PPEF1: variants seen among roughly 807,000 people sequenced by gnomAD.
PPEF1 encodes the protein serine/threonine-protein phosphatase with EF-hands 1.
Under a neutral mutation model 53.3 loss-of-function variants are expected in PPEF1, and 12 were observed. That is an observed-to-expected ratio of 0.23 (90% CI 0.14 to 0.36). The LOEUF (loss-of-function observed/expected upper bound fraction) is 0.36. Among genes scored for constraint, PPEF1 ranks in the 10% least tolerant of loss-of-function variants. The pLI, the probability that PPEF1 is intolerant of heterozygous loss-of-function variation, is 1.00. For missense variants in PPEF1, 334 were observed against 490.4 expected, an observed-to-expected ratio of 0.68 and a Z score of 3.01; for synonymous variants, 165 against 176.7, an observed-to-expected ratio of 0.93 and a Z score of 0.52.
At chrX:18,715,901 T>A (rs946964591) in intron 1 of PPEF1, among the ~76,000 whole-genome samples, 2 of 112,324 alleles carry the variant, frequency 1.8e-5, no homozygotes, top group African/African-American at 6.5e-5. Flanking sequence ...CACTTAAAAT[T>A]TTATGTTAAT....
chrX:18,717,670 T>C (rs2044487640), intron 1 of PPEF1, among the ~76,000 whole-genome samples: 1 of 111,630 alleles, frequency 9.0e-6, no homozygotes, highest in Admixed American at 9.6e-5. Context: ...TTCTTACTAC[T>C]CATTGCCCTT....
intron 11 of PPEF1, among the ~76,000 whole-genome samples, chrX:18,804,511 TAGCC>T (rs2147687039): frequency 9.0e-6 from 1 of 111,033 alleles, no homozygotes; most frequent in Non-Finnish European, 1.9e-5. Flanking sequence ...TTCACCATGT[TAGCC>T]AGACTGGTCT....
At chrX:18,784,856 C>T (rs1030504201) in intron 9 of PPEF1, among the ~76,000 whole-genome samples, 1 of 110,942 alleles carries the variant, frequency 9.0e-6, no homozygotes, top group South Asian at 3.8e-4. Flanking sequence ...GTTCCTTGGA[C>T]GGGTCTTGCA....
At chrX:18,806,759 T>G (rs1464899284) in intron 12 of PPEF1, among the ~76,000 whole-genome samples, 1 of 112,083 alleles carries the variant, frequency 8.9e-6, no homozygotes, top group Non-Finnish European at 1.9e-5. Flanking sequence ...TCTTTTTAGA[T>G]GGATAAAGCA....
At position 18,795,382 on chromosome X, in the gene PPEF1, A is replaced by G. The variant is rs143404483; in HGVS notation, c.1065+6109A>G. ...GGTCTGCCAAGCCCCTAACACTGCCATTCCTGTCACTATGTTGTCATTTTG... is the reference window on the plus strand; with the variant it reads ...GGTCTGCCAAGCCCCTAACACTGCCGTTCCTGTCACTATGTTGTCATTTTG... On this transcript the variant is annotated intron_variant, in intron 10 of 15. Transcript: ENST00000470157. 8.5e-3 allele frequency among the ~76,000 whole-genome samples: 955 copies of G among 112,253 alleles called. 9 individuals carry two copies. Among genetic ancestry groups the G allele is most frequent in the African/African-American group, 0.029 (910 of 30,903 alleles).
intron 2 of PPEF1, among the ~76,000 whole-genome samples, chrX:18,684,989 GACT>G (rs1321161691): frequency 8.9e-6 from 1 of 111,962 alleles, no homozygotes; most frequent in African/African-American, 3.2e-5. Flanking sequence ...AGAACAATTT[GACT>G]ACTACTGCCC....
At chrX:18,740,092 C>T (rs148960262) in intron 3 of PPEF1, among the ~76,000 whole-genome samples, 4 of 112,381 alleles carry the variant, frequency 3.6e-5, no homozygotes, top group East Asian at 5.7e-4. Context: ...CTGGGTGAGG[C>T]GATGCCCAGC....
At chrX:18,827,194 TTTAATCAG>T (rs1449711264) in intron 15 of PPEF1, 74 bp from the exon 16 acceptor site, 1 of 802,014 alleles carries the variant, frequency 1.2e-6, no homozygotes, top group African/African-American at 2.1e-5. Context: ...ACTGGGGCTA[TTTAATCAG>T]TGTGGGTTCC....
chrX:18,783,253 G>C (rs1275142095), intron 8 of PPEF1, among the ~76,000 whole-genome samples: 1 of 109,878 alleles, frequency 9.1e-6, no homozygotes, highest in Non-Finnish European at 1.9e-5. Context: ...AACTGGCCCC[G>C]GGATGAGGAG....
At chrX:18,810,246 C>T (rs1037497026) in intron 12 of PPEF1, among the ~76,000 whole-genome samples, 1 of 108,773 alleles carries the variant, frequency 9.2e-6, no homozygotes, top group Non-Finnish European at 1.9e-5. Flanking sequence ...AAACAACATA[C>T]CATATTTATT....
intron 12 of PPEF1, among the ~76,000 whole-genome samples, chrX:18,813,916 T>A (rs149115310): frequency 1.8e-5 from 2 of 111,040 alleles, no homozygotes; most frequent in African/African-American, 3.3e-5. Flanking sequence ...GATGCTGGGG[T>A]TTGATGTATG....
intron 13 of PPEF1, among the ~76,000 whole-genome samples, chrX:18,823,031 T>C (rs1402723718): frequency 9.0e-6 from 1 of 111,465 alleles, no homozygotes; most frequent in Admixed American, 9.6e-5. Context: ...GGTATGCAAT[T>C]GGCACAAGAA....
chrX:18,717,941 A>G (rs147102863), intron 1 of PPEF1, among the ~76,000 whole-genome samples: 329 of 111,890 alleles, frequency 2.9e-3, no homozygotes, highest in African/African-American at 0.01. Context: ...ATCATTTTAA[A>G]TAAGTACTTT....
chrX:18,809,704 CAAAAAA>C (rs61305573), intron 12 of PPEF1, among the ~76,000 whole-genome samples: 1 of 86,475 alleles, frequency 1.2e-5, no homozygotes, highest in Non-Finnish European at 2.3e-5. Flanking sequence ...GACCCTGTCT[CAAAAAA>C]AAAAAAAATC....
At chrX:18,733,263 G>A (rs1006931238) in intron 2 of PPEF1, among the ~76,000 whole-genome samples, 1 of 111,860 alleles carries the variant, frequency 8.9e-6, no homozygotes, top group East Asian at 2.8e-4. Context: ...TCTTACGTTG[G>A]ATTTCCTAGA....
At chrX:18,780,650 G>A (rs189604095) in intron 7 of PPEF1, among the ~76,000 whole-genome samples, 1 of 111,598 alleles carries the variant, frequency 9.0e-6, no homozygotes, top group Non-Finnish European at 1.9e-5. Flanking sequence ...ATAGATAATG[G>A]GTTCTCATTT....
At chrX:18,706,994 A>G (rs1316320561), upstream of PPEF1, among the ~76,000 whole-genome samples, 1 of 107,378 alleles carries the variant, frequency 9.3e-6, no homozygotes, top group African/African-American at 3.4e-5. Context: ...ATGCTTGGCT[A>G]ATTTTTGTAC....
chrX:18,761,231 G>C (rs1442182434), intron 5 of PPEF1, among the ~76,000 whole-genome samples: 1 of 112,014 alleles, frequency 8.9e-6, no homozygotes, highest in Non-Finnish European at 1.9e-5. Flanking sequence ...TAGAGTGGTT[G>C]TAAGGACTGA....
In PPEF1 at chrX:18,749,946, A is replaced by G; in HGVS notation, c.390A>G (p.Glu130=). ...ATTTACTTCTTGAGGCCTTCAAGGA[A>G]CAACAGGTAAGTGGAAGCAGATGCT... ...DIDLLLEAFK[E]QQILHAHYVL... The change falls in exon 4 of 16, where the codon GAA becomes GAG. Residue 130 remains glutamate (E), a synonymous_variant. Transcript: ENST00000470157. 8.3e-7 allele frequency: 1 copy of G among 1,199,758 alleles called. No homozygotes were observed. The highest frequency in any genetic ancestry group is 1.1e-6 in the Non-Finnish European group (1 of 885,375).
Sources: gnomAD v4.1 joint callset for allele counts (sites outside exome capture counted in the v4.1 genomes callset) on GRCh38, gnomAD v4.1.1 for gene constraint, MANE v1.5 for transcripts, NCBI Gene and HGNC (gene_info 2026-07-23, HGNC 2026-07-21) for gene names.